Variants in RPS6KA2 observed in about 807,000 individuals in gnomAD.
RPS6KA2 encodes ribosomal protein S6 kinase A2.
In RPS6KA2, 42 loss-of-function variants were observed where a neutral mutation model predicts 91.8. That is an observed-to-expected ratio of 0.46 (90% confidence interval 0.36 to 0.59). The LOEUF (loss-of-function observed/expected upper bound fraction) is 0.59, where lower values mean the gene tolerates loss of function less well. Among genes scored for constraint, RPS6KA2 ranks in the 20% least tolerant of loss-of-function variants. The pLI is 0.00. For missense variants in RPS6KA2, 798 were observed against 978.5 expected (o/e 0.82, Z 2.46); for synonymous variants, 414 against 393.6 (o/e 1.05, Z -0.61).
At position 166,500,464 on chromosome 6, in the gene RPS6KA2, C is replaced by T. The variant is rs1372351336; in HGVS notation, c.604+423G>A. Among the ~76,000 whole-genome samples the T allele has an allele frequency of 6.6e-6, 1 of 152,160 alleles. No homozygotes were observed. Among genetic ancestry groups the T allele is most frequent in the African/African-American group, 2.4e-5 (1 of 41,430 alleles). On this transcript the variant is annotated intron_variant, in intron 7 of 20. Coordinates refer to ENST00000265678, the MANE Select transcript of RPS6KA2 (RefSeq NM_021135.6). This position sits in a 1 kb window ranked among gnomAD's most constrained non-coding sequence, Gnocchi z 4.3. ...GAGGCAGGGACAGCATCAGTGAGGG[C>T]AGCAGTGCAGGCCGCACTCCAGCGA...
At chr6:166,721,079 G>A (rs1037630009) in intron 2 of RPS6KA2, among the ~76,000 whole-genome samples, 2 of 152,184 alleles carry the variant, frequency 1.3e-5, no homozygotes, top group African/African-American at 2.4e-5. Context: ...GTGCTCCATC[G>A]TTACTTTACA....
intron 14 of RPS6KA2, among the ~76,000 whole-genome samples, chr6:166,443,620 C>A (rs181545520): frequency 1.3e-5 from 2 of 152,186 alleles, no homozygotes; most frequent in African/African-American, 4.8e-5. Flanking sequence ...GAAATTCTTA[C>A]GGTAGTGCCA....
Position 166,626,765 on chromosome 6 carries a change from A to G in RPS6KA2, c.99+156T>C, listed in dbSNP as rs1397836004. On this transcript the variant is annotated intron_variant, in intron 1 of 20. Coordinates refer to ENST00000265678, the MANE Select transcript of RPS6KA2 (RefSeq NM_021135.6). This position sits in a 1 kb window ranked among gnomAD's most constrained non-coding sequence, Gnocchi z 4.1. ...ACGGAGTCCCAGCGATAACGTTTGGAGCCGTTTGGTTCGATTTTCGGAACC... is the reference window on the plus strand; with the variant it reads ...ACGGAGTCCCAGCGATAACGTTTGGGGCCGTTTGGTTCGATTTTCGGAACC... Among the ~76,000 whole-genome samples the G allele has an allele frequency of 1.3e-5, 2 of 151,962 alleles. No homozygotes were observed. The highest frequency in any genetic ancestry group is 4.8e-5 in the African/African-American group (2 of 41,378).
At chr6:166,550,876 C>T (rs1288267266) in intron 1 of RPS6KA2, among the ~76,000 whole-genome samples, 1 of 151,602 alleles carries the variant, frequency 6.6e-6, no homozygotes, top group Non-Finnish European at 1.5e-5. Flanking sequence ...TGGCGGGCGC[C>T]TGTAGTCCCA....
chr6:166,781,956 A>C (rs2128610675), intron 2 of RPS6KA2, among the ~76,000 whole-genome samples: 1 of 152,322 alleles, frequency 6.6e-6, no homozygotes, highest in Non-Finnish European at 1.5e-5. Context: ...AGTGGCCAGT[A>C]GCATGTCCCC....
At chr6:166,801,354 T>G (rs1779360997) in intron 2 of RPS6KA2, among the ~76,000 whole-genome samples, 1 of 151,988 alleles carries the variant, frequency 6.6e-6, no homozygotes, top group African/African-American at 2.4e-5. Context: ...TTTATTTTAT[T>G]TATTTTGAGA....
chr6:166,732,498 G>A lies in RPS6KA2; in HGVS notation c.123+125702C>T, dbSNP rs993034942. Reference sequence around the variant, plus strand: ...TACAAACATCCTGGGACAGTGAACCGGGAATCACTGAACCTTATCACATGG... The same window carrying A: ...TACAAACATCCTGGGACAGTGAACCAGGAATCACTGAACCTTATCACATGG... On this transcript the variant is annotated intron_variant, in intron 2 of 21. Transcript: ENST00000503859. The surrounding 1 kb of genome is among the most constrained non-coding windows in gnomAD (Gnocchi z 4.0). Among the ~76,000 whole-genome samples, 5 of 152,302 alleles carry A rather than the reference G, an allele frequency of 3.3e-5. No individual in the cohort carries two copies. Among genetic ancestry groups the A allele is most frequent in the South Asian group, 2.1e-4 (1 of 4,832 alleles).
chr6:166,417,775 C>T (rs528715306), intron 19 of RPS6KA2, among the ~76,000 whole-genome samples: 2 of 151,886 alleles, frequency 1.3e-5, no homozygotes, highest in Non-Finnish European at 2.9e-5. Context: ...TAAAAGATGC[C>T]GAGGATAAGG....
intron 1 of RPS6KA2, among the ~76,000 whole-genome samples, chr6:166,607,283 G>C (rs1785988343): frequency 6.6e-6 from 1 of 152,000 alleles, no homozygotes; most frequent in African/African-American, 2.4e-5. Flanking sequence ...CCACTCCCAG[G>C]TATAAACCCA....
intron 2 of RPS6KA2, among the ~76,000 whole-genome samples, chr6:166,692,836 G>A (rs1789249351): frequency 6.6e-6 from 1 of 152,196 alleles, no homozygotes; most frequent in Non-Finnish European, 1.5e-5. Flanking sequence ...GCGGAGGAGA[G>A]AGAGCATGTC....
upstream of RPS6KA2, among the ~76,000 whole-genome samples, chr6:166,630,849 G>T (rs1457173467): frequency 6.6e-6 from 1 of 152,260 alleles, no homozygotes; most frequent in Non-Finnish European, 1.5e-5. Flanking sequence ...TTGAATGTAG[G>T]AATTAGTCCT....
At chr6:166,702,363 C>T in intron 2 of RPS6KA2, 1 of 1,610,716 alleles carries the variant, frequency 6.2e-7, no homozygotes, top group Non-Finnish European at 8.5e-7. Flanking sequence ...GCCATTTCAT[C>T]AGGGATATAG....
chr6:166,579,883 GA>G (rs1017236104), intron 1 of RPS6KA2, among the ~76,000 whole-genome samples: 2 of 151,740 alleles, frequency 1.3e-5, no homozygotes, highest in Non-Finnish European at 2.9e-5. Flanking sequence ...GTTTTGAGAA[GA>G]AAAAAAAGAC....
At chr6:166,538,271 C>A (rs1010055218) in intron 2 of RPS6KA2, among the ~76,000 whole-genome samples, 2 of 152,104 alleles carry the variant, frequency 1.3e-5, no homozygotes, top group African/African-American at 4.8e-5. Context: ...GGAATGGATT[C>A]TTTTCTTTTC....
chr6:166,661,401 A>G (rs765470165), intron 2 of RPS6KA2, among the ~76,000 whole-genome samples: 1 of 152,264 alleles, frequency 6.6e-6, no homozygotes, highest in Non-Finnish European at 1.5e-5. Context: ...CTGTATGGCC[A>G]AAATCTTTTA....
At position 166,477,732 on chromosome 6, in the gene RPS6KA2, G is replaced by A. The variant is rs572581379; in HGVS notation, c.908-7827C>T. 1.2e-4 allele frequency among the ~76,000 whole-genome samples: 18 copies of A among 152,132 alleles called. No individual in the cohort carries two copies. The East Asian group carries it at 2.9e-3, about 25-fold the overall frequency. Reference sequence around the variant, plus strand: ...TCGAGACCAGCCTGGGCAACATAGCGGGGCCCCTTCTCTACAAAACAGTAA... The same window carrying A: ...TCGAGACCAGCCTGGGCAACATAGCAGGGCCCCTTCTCTACAAAACAGTAA... On this transcript the variant is annotated intron_variant, in intron 10 of 20. Coordinates refer to ENST00000265678, the MANE Select transcript of RPS6KA2 (RefSeq NM_021135.6).
At position 166,433,974 on chromosome 6, in the gene RPS6KA2, G is replaced by A. The variant is rs1049718726; in HGVS notation, c.1333-1484C>T. Reference sequence around the variant, plus strand: ...GGGGTCTTGCTGTGTTGCCCAGGCTGGTCTCTAACTCCTGGCTTCAAGTGA... The same window carrying A: ...GGGGTCTTGCTGTGTTGCCCAGGCTAGTCTCTAACTCCTGGCTTCAAGTGA... On this transcript the variant is annotated intron_variant, in intron 14 of 20. Transcript: ENST00000265678. This position sits in a 1 kb window ranked among gnomAD's most constrained non-coding sequence, Gnocchi z 4.4. Among the ~76,000 whole-genome samples the A allele has an allele frequency of 6.6e-6, 1 of 151,782 alleles. No homozygotes were observed. Among genetic ancestry groups the A allele is most frequent in the Non-Finnish European group, 1.5e-5 (1 of 67,978 alleles).
intron 1 of RPS6KA2, among the ~76,000 whole-genome samples, chr6:166,861,087 G>A (rs1781036360): frequency 6.6e-6 from 1 of 152,158 alleles, no homozygotes; most frequent in South Asian, 2.1e-4. Flanking sequence ...ATTTAGCTTG[G>A]CTTTCCAAGA....
rs1410207759 is a variant in RPS6KA2 at position 166,825,303 on chromosome 6, C to T, written c.123+32897G>A. Reference sequence around the variant, plus strand: ...GTGACTGCTGGGAATCCAGGGTACCCGTGGCTGTGAGGGGAAGGCGACTAT... The same window carrying T: ...GTGACTGCTGGGAATCCAGGGTACCTGTGGCTGTGAGGGGAAGGCGACTAT... On this transcript the variant is annotated intron_variant, in intron 2 of 21. Transcript: ENST00000503859. This position sits in a 1 kb window ranked among gnomAD's most constrained non-coding sequence, Gnocchi z 4.1. Among the ~76,000 whole-genome samples the T allele has an allele frequency of 1.3e-5, 2 of 152,150 alleles. No individual in the cohort carries two copies. The highest frequency in any genetic ancestry group is 2.4e-5 in the African/African-American group (1 of 41,424).
Sources: allele counts gnomAD v4.1 joint callset (sites outside exome capture counted in the v4.1 genomes callset), GRCh38; gene constraint gnomAD v4.1.1; non-coding constraint Gnocchi (gnomAD v3.1); transcripts MANE v1.5; gene names NCBI Gene and HGNC (gene_info 2026-07-23, HGNC 2026-07-21).